CSMD1: variants seen among roughly 807,000 people sequenced by gnomAD.
CSMD1 encodes CUB and Sushi multiple domains 1.
CSMD1 carries 213 observed loss-of-function variants against 417.5 expected under a neutral mutation model. That is an observed-to-expected ratio of 0.51 (90% CI 0.46 to 0.57). The LOEUF (loss-of-function observed/expected upper bound fraction) is 0.57, where lower values mean the gene tolerates loss of function less well. CSMD1 is among the 20% of genes least tolerant of loss of function. The probability of loss-of-function intolerance (pLI) is 0.00; values close to 1 mark genes in which losing one functional copy is unlikely to be tolerated. For missense variants in CSMD1, 6,923 were observed against 4,529.7 expected (o/e 1.53, Z -15.17); for synonymous variants, 2,862 against 1,736.8 (o/e 1.65, Z -16.11).
chr8:2,949,944 C>T (rs1313345635), intron 67 of CSMD1, among the ~76,000 whole-genome samples: 4 of 152,274 alleles, frequency 2.6e-5, no homozygotes, highest in Non-Finnish European at 4.4e-5. Context: ...CACGATATAA[C>T]GTAGCAGTAA....
chr8:4,829,044 T>A (rs1169837737), intron 1 of CSMD1, among the ~76,000 whole-genome samples: 3 of 152,214 alleles, frequency 2.0e-5, no homozygotes, highest in Non-Finnish European at 4.4e-5. Context: ...TGAAAAGTAA[T>A]GATAACTTAA....
intron 1 of CSMD1, among the ~76,000 whole-genome samples, chr8:4,938,320 T>A (rs1248339126): frequency 6.6e-6 from 1 of 152,204 alleles, no homozygotes; most frequent in African/African-American, 2.4e-5. Flanking sequence ...TTAACTGCAA[T>A]GAGTTCATAA....
intron 1 of CSMD1, among the ~76,000 whole-genome samples, chr8:4,784,839 G>T (rs531846443): frequency 6.6e-6 from 1 of 152,270 alleles, no homozygotes; most frequent in East Asian, 1.9e-4. Flanking sequence ...AAGACTAGAA[G>T]GATATGATTC....
At chr8:4,911,540 G>A (rs979176474) in intron 1 of CSMD1, among the ~76,000 whole-genome samples, 8 of 152,068 alleles carry the variant, frequency 5.3e-5, no homozygotes, top group Non-Finnish European at 1.2e-4. Flanking sequence ...CCAAGTCAGG[G>A]CCAAACTTTA....
At chr8:4,410,982 A>T (rs1796621714) in intron 3 of CSMD1, among the ~76,000 whole-genome samples, 2 of 152,158 alleles carry the variant, frequency 1.3e-5, no homozygotes, top group South Asian at 4.1e-4. Context: ...GGATTGTTAT[A>T]CAGTGAGGTT....
intron 25 of CSMD1, among the ~76,000 whole-genome samples, chr8:3,297,161 G>A (rs1257660285): frequency 1.3e-5 from 2 of 152,232 alleles, no homozygotes; most frequent in Non-Finnish European, 1.5e-5. Flanking sequence ...AAACATCATT[G>A]AGACAAATCA....
chr8:4,562,545 T>C (rs547747091), intron 2 of CSMD1, among the ~76,000 whole-genome samples: 1 of 152,146 alleles, frequency 6.6e-6, no homozygotes, highest in Non-Finnish European at 1.5e-5. Flanking sequence ...ATTAAATAAG[T>C]ATACATGAAA....
At chr8:4,617,031 TATTA>T (rs1411069387) in intron 2 of CSMD1, among the ~76,000 whole-genome samples, 2 of 152,088 alleles carry the variant, frequency 1.3e-5, no homozygotes, top group Non-Finnish European at 2.9e-5. Flanking sequence ...TCTAAAATTT[TATTA>T]ATTGATGATA....
chr8:3,454,456 G>A (rs191198287), intron 12 of CSMD1, among the ~76,000 whole-genome samples: 1,940 of 152,312 alleles, frequency 0.013, 47 homozygotes, highest in African/African-American at 0.045. Flanking sequence ...GGTACCGGTT[G>A]TTCCTTTCCA....
At chr8:3,344,244 G>A (rs1051635390) in intron 22 of CSMD1, among the ~76,000 whole-genome samples, 3 of 152,088 alleles carry the variant, frequency 2.0e-5, no homozygotes, top group East Asian at 1.9e-4. Flanking sequence ...AATGAGGATC[G>A]GGTAAAAGTG....
At chr8:4,469,146 A>G (rs1422156247) in intron 2 of CSMD1, among the ~76,000 whole-genome samples, 3 of 152,184 alleles carry the variant, frequency 2.0e-5, no homozygotes, top group Non-Finnish European at 4.4e-5. Flanking sequence ...AAAATGGAAG[A>G]AGGCACTACT....
At chr8:3,273,717 C>A (rs1278262757) in intron 26 of CSMD1, among the ~76,000 whole-genome samples, 1 of 152,158 alleles carries the variant, frequency 6.6e-6, no homozygotes, top group African/African-American at 2.4e-5. Context: ...AGTTTATTTG[C>A]ATAGAGGTGT....
intron 51 of CSMD1, among the ~76,000 whole-genome samples, chr8:3,027,346 T>C (rs1810009819): frequency 6.6e-6 from 1 of 152,138 alleles, no homozygotes; most frequent in Non-Finnish European, 1.5e-5. Flanking sequence ...GAACAATGTG[T>C]TTGGGTAAGA....
At chr8:3,210,959 A>G (rs963609863) in intron 30 of CSMD1, among the ~76,000 whole-genome samples, 5 of 151,248 alleles carry the variant, frequency 3.3e-5, no homozygotes, top group African/African-American at 1.2e-4. Flanking sequence ...TGCTAAAGAT[A>G]TCTGAAGTGG....
rs78712533 is a variant in CSMD1 at position 4,333,173 on chromosome 8, C to T, written c.415+86780G>A. ...CATAAGAATTCCTCAAAAAATCCTT[C>T]GCAAGTTGGGATATCATGCCACTCA... is the stretch of plus-strand genomic sequence containing the variant. On this transcript the variant is annotated intron_variant, in intron 3 of 69. Coordinates refer to ENST00000635120, the MANE Select transcript of CSMD1 (RefSeq NM_033225.6). Among the ~76,000 whole-genome samples the T allele has an allele frequency of 3.0e-3, 452 of 152,188 alleles. 1 individual carries two copies. Among genetic ancestry groups the T allele is most frequent in the African/African-American group, 9.9e-3 (412 of 41,532 alleles).
intron 1 of CSMD1, among the ~76,000 whole-genome samples, chr8:4,923,357 G>A (rs1193948288): frequency 3.9e-5 from 6 of 152,104 alleles, no homozygotes; most frequent in South Asian, 4.2e-4. Context: ...TTAAAGGGTT[G>A]GCATACATTT....
chr8:3,701,641 A>T (rs1244012100), intron 7 of CSMD1, among the ~76,000 whole-genome samples: 1 of 152,240 alleles, frequency 6.6e-6, no homozygotes, highest in Admixed American at 6.5e-5. Flanking sequence ...TAAGTAGATA[A>T]ATACAAGTGG....
At chr8:4,116,957 C>A (rs1453729562) in intron 3 of CSMD1, among the ~76,000 whole-genome samples, 2 of 152,012 alleles carry the variant, frequency 1.3e-5, no homozygotes, top group South Asian at 4.1e-4. Context: ...GTCTGAGAAT[C>A]AGGCTGGTAA....
chr8:4,101,933 C>G (rs945825051), intron 3 of CSMD1, among the ~76,000 whole-genome samples: 4 of 152,142 alleles, frequency 2.6e-5, no homozygotes, highest in African/African-American at 9.7e-5. Flanking sequence ...AGTGGACTTG[C>G]TGTTAGAGCT....
Sources: gnomAD v4.1 joint callset for allele counts (sites outside exome capture counted in the v4.1 genomes callset) on GRCh38, gnomAD v4.1.1 for gene constraint, MANE v1.5 for transcripts, NCBI Gene and HGNC (gene_info 2026-07-23, HGNC 2026-07-21) for gene names.